SIAH1: variants seen among roughly 807,000 people sequenced by gnomAD.
SIAH1 encodes the protein siah E3 ubiquitin protein ligase 1, also known as E3 ubiquitin-protein ligase SIAH1.
SIAH1 carries 2 observed loss-of-function variants against 20.0 expected under a neutral mutation model. That is an observed-to-expected ratio of 0.10 (90% CI 0.04 to 0.31). SIAH1 has a LOEUF of 0.31. SIAH1 is among the 10% of genes least tolerant of loss of function. The probability of loss-of-function intolerance (pLI) is 1.00; values close to 1 mark genes in which losing one functional copy is unlikely to be tolerated. For synonymous variants in SIAH1, 118 were observed against 125.3 expected, an observed-to-expected ratio of 0.94 and a Z score of 0.39; for missense variants, 119 against 355.3, an observed-to-expected ratio of 0.33 and a Z score of 5.35.
chr16:48,385,738 G>A (rs1022379364), upstream of SIAH1, among the ~76,000 whole-genome samples: 1 of 151,938 alleles, frequency 6.6e-6, no homozygotes, highest in African/African-American at 2.4e-5. Flanking sequence ...TTGTTCCGGG[G>A]CCGCGTGACC....
intron 1 of SIAH1, chr16:48,365,804 GCTC>G: frequency 7.9e-7 from 1 of 1,266,174 alleles, no homozygotes; most frequent in Non-Finnish European, 9.9e-7. Flanking sequence ...GTCCTGCCCA[GCTC>G]CAGTGGAGGC....
Position 48,376,414 on chromosome 16 carries a change from T to C in SIAH1, c.-3+8790A>G, listed in dbSNP as rs1961110806. ...AAAATTCCTCAAATAGATGGATACTTACAGGAAACTTAAAACCAGCCTATT... is the reference window on the plus strand; with the variant it reads ...AAAATTCCTCAAATAGATGGATACTCACAGGAAACTTAAAACCAGCCTATT... On this transcript the variant is annotated intron_variant, in intron 1 of 1. Coordinates refer to ENST00000394725, the MANE Select transcript of SIAH1 (RefSeq NM_003031.4). Among the ~76,000 whole-genome samples the C allele has an allele frequency of 3.9e-5, 6 of 152,316 alleles. No homozygotes were observed. The South Asian group carries it at 1.2e-3, about 32-fold the overall frequency.
chr16:48,380,506 TAA>T lies in SIAH1; in HGVS notation c.-3+4696_-3+4697del, dbSNP rs535523241. On this transcript the variant is annotated intron_variant, in intron 1 of 1. Coordinates refer to ENST00000394725, the MANE Select transcript of SIAH1 (RefSeq NM_003031.4). ...TCACCAATAACAAAACAACCCAACC[TAA>T]AAAAAAGAGTCAAAAAGACCTTAAC... Among the ~76,000 whole-genome samples the T allele has an allele frequency of 8.0e-3, 1,193 of 149,136 alleles. 15 individuals are homozygous for T. The highest frequency in any genetic ancestry group is 0.028 in the African/African-American group (1,137 of 40,760).
intron 1 of SIAH1, among the ~76,000 whole-genome samples, chr16:48,376,259 C>T (rs1219580270): frequency 6.6e-6 from 1 of 152,142 alleles, no homozygotes; most frequent in Non-Finnish European, 1.5e-5. Context: ...AAAAATATTA[C>T]ACTTAAAAAT....
At chr16:48,364,013 G>A (rs528002555) in intron 1 of SIAH1, 2 of 138,278 alleles carry the variant, frequency 1.4e-5, no homozygotes, top group Non-Finnish European at 3.0e-5. Flanking sequence ...GCAATGGCGC[G>A]ATCTCGGCTC....
chr16:48,366,824 C>A (rs185495538), intron 1 of SIAH1, among the ~76,000 whole-genome samples: 67 of 152,312 alleles, frequency 4.4e-4, no homozygotes, highest in Admixed American at 4.2e-3. Flanking sequence ...ATCACCTCAA[C>A]CTCGTTTTAC....
At chr16:48,380,321 T>C (rs1315133018) in intron 1 of SIAH1, among the ~76,000 whole-genome samples, 2 of 151,760 alleles carry the variant, frequency 1.3e-5, no homozygotes, top group African/African-American at 4.8e-5. Context: ...GTTCCTCTAA[T>C]CTCAGCTACT....
Position 48,365,234 on chromosome 16 carries a change from C to T in SIAH1, c.-2-2804G>A, listed in dbSNP as rs575278215. 5.2e-6 allele frequency: 4 copies of T among 763,488 alleles called. No homozygotes were observed. In the African/African-American group the frequency reaches 7.0e-5, roughly 13 times the overall value. 47.3% of individuals were successfully genotyped at this position (763,488 alleles called of 1,614,324 possible). A position where few individuals can be genotyped will look rare whatever the true frequency, so the allele number is the denominator to read the frequency against. On this transcript the variant is annotated intron_variant, in intron 1 of 1. Transcript: ENST00000394725. ...GACGTAACCTGAAGTTTGATTTAAA[C>T]AGAAAAAAGAACAGCAGCCCAAATG...
rs1434719482 is a variant in SIAH1, at chr16:48,379,332, C to A, written c.-3+5872G>T. ...GGCTTAGAGAGGTTCAGTAATCTAC[C>A]CAAAGTAGCACAAATAGACATTTCA... On this transcript the variant is annotated intron_variant, in intron 1 of 1. Coordinates refer to ENST00000394725, the MANE Select transcript of SIAH1 (RefSeq NM_003031.4). Among the ~76,000 whole-genome samples the A allele has an allele frequency of 2.0e-5, 3 of 152,056 alleles. No homozygotes were observed. The East Asian group carries it at 5.8e-4, about 29-fold the overall frequency.
chr16:48,366,718 A>C (rs1960851675), intron 1 of SIAH1, among the ~76,000 whole-genome samples: 1 of 152,220 alleles, frequency 6.6e-6, no homozygotes, highest in Non-Finnish European at 1.5e-5. Flanking sequence ...AAGAGTTGGC[A>C]GTGAGGAGTG....
chr16:48,382,690 T>C (rs1961329959), intron 1 of SIAH1, among the ~76,000 whole-genome samples: 1 of 152,154 alleles, frequency 6.6e-6, no homozygotes, highest in African/African-American at 2.4e-5. Context: ...AAGAGAGGGC[T>C]GTACAAAAAA....
chr16:48,375,824 G>A (rs1024196914), intron 1 of SIAH1, among the ~76,000 whole-genome samples: 11 of 152,120 alleles, frequency 7.2e-5, no homozygotes, highest in African/African-American at 2.4e-4. Flanking sequence ...GAAACTGGAA[G>A]GACATCCAAA....
intron 1 of SIAH1, among the ~76,000 whole-genome samples, chr16:48,364,679 G>A (rs2151046511): frequency 6.6e-6 from 1 of 152,246 alleles, no homozygotes; most frequent in South Asian, 2.1e-4. Flanking sequence ...TAAAACAGTG[G>A]GCTCAGCATT....
intron 1 of SIAH1, among the ~76,000 whole-genome samples, chr16:48,374,453 G>C (rs1161750851): frequency 6.6e-6 from 1 of 152,158 alleles, no homozygotes; most frequent in Non-Finnish European, 1.5e-5. Context: ...TGATGATGCA[G>C]TTTCAAAATA....
intron 1 of SIAH1, among the ~76,000 whole-genome samples, chr16:48,380,180 G>A (rs1183340539): frequency 6.6e-6 from 1 of 152,196 alleles, no homozygotes; most frequent in African/African-American, 2.4e-5. Context: ...GGTGGCTCAC[G>A]CCTGTAATCC....
chr16:48,382,776 G>A (rs548005461), intron 1 of SIAH1, among the ~76,000 whole-genome samples: 36 of 152,050 alleles, frequency 2.4e-4, no homozygotes, highest in Non-Finnish European at 4.6e-4. Flanking sequence ...TTTAAACAAA[G>A]AACCTCCAAT....
At chr16:48,382,923 T>G (rs1961336114) in intron 1 of SIAH1, among the ~76,000 whole-genome samples, 1 of 151,102 alleles carries the variant, frequency 6.6e-6, no homozygotes, top group African/African-American at 2.5e-5. Flanking sequence ...AAATCCTATT[T>G]GTTATTTTAT....
chr16:48,375,448 T>C (rs1403987916), intron 1 of SIAH1, among the ~76,000 whole-genome samples: 4 of 152,254 alleles, frequency 2.6e-5, no homozygotes, highest in African/African-American at 9.6e-5. Context: ...GAGACCAGCC[T>C]GGCCAACATG....
At chr16:48,379,366 A>G (rs961467757) in intron 1 of SIAH1, among the ~76,000 whole-genome samples, 3 of 152,250 alleles carry the variant, frequency 2.0e-5, no homozygotes, top group African/African-American at 4.8e-5. Flanking sequence ...CAGAGGCTAA[A>G]TACAATCATG....
Sources: gnomAD v4.1 joint callset for allele counts (sites outside exome capture counted in the v4.1 genomes callset) on GRCh38, gnomAD v4.1.1 for gene constraint, MANE v1.5 for transcripts, NCBI Gene and HGNC (gene_info 2026-07-23, HGNC 2026-07-21) for gene names.